The following ROBO2 variants were observed in gnomAD, a reference collection of about 807,000 sequenced individuals.
ROBO2 encodes roundabout guidance receptor 2, also known as roundabout homolog 2.
Under a neutral mutation model 160.8 loss-of-function variants are expected in ROBO2, and 53 were observed. That is an observed-to-expected ratio of 0.33 (90% CI 0.26 to 0.41). The LOEUF (loss-of-function observed/expected upper bound fraction) is 0.41, where lower values mean the gene tolerates loss of function less well. Ranked by LOEUF, ROBO2 falls within the 10% of genes least tolerant of loss-of-function variation. The pLI, the probability that ROBO2 is intolerant of heterozygous loss-of-function variation, is 1.00. For synonymous variants in ROBO2, 664 were observed against 611.7 expected (o/e 1.09, Z -1.26); for missense variants, 1,577 against 1,722.4 (o/e 0.92, Z 1.49).
At chr3:76,046,557 A>G (rs1274538875) in intron 2 of ROBO2, among the ~76,000 whole-genome samples, 1 of 151,316 alleles carries the variant, frequency 6.6e-6, no homozygotes, top group African/African-American at 2.5e-5. Context: ...CTGAGGCAGG[A>G]GAATGGCGTG....
intron 15 of ROBO2, among the ~76,000 whole-genome samples, chr3:77,579,148 A>ATT (rs2093846771): frequency 1.3e-5 from 2 of 152,134 alleles, no homozygotes; most frequent in Non-Finnish European, 2.9e-5. Flanking sequence ...GTATAATATG[A>ATT]ATACAAATGT....
intron 2 of ROBO2, among the ~76,000 whole-genome samples, chr3:76,350,370 A>C (rs775991535): frequency 9.9e-5 from 15 of 152,066 alleles, no homozygotes; most frequent in Non-Finnish European, 2.1e-4. Flanking sequence ...AGAGAATATC[A>C]CATTCTCCTT....
chr3:76,819,490 C>T (rs2065939861), intron 2 of ROBO2, among the ~76,000 whole-genome samples: 1 of 151,994 alleles, frequency 6.6e-6, no homozygotes, highest in Non-Finnish European at 1.5e-5. Context: ...GAATCGGAGG[C>T]TCTGGACACT....
intron 2 of ROBO2, among the ~76,000 whole-genome samples, chr3:76,483,274 ATGT>A (rs1225024238): frequency 6.6e-6 from 1 of 151,500 alleles, no homozygotes; most frequent in Non-Finnish European, 1.5e-5. Context: ...ATTCTATTAC[ATGT>A]TGTTTTCTGT....
At chr3:77,455,156 A>G (rs2081498318) in intron 2 of ROBO2, among the ~76,000 whole-genome samples, 2 of 152,230 alleles carry the variant, frequency 1.3e-5, no homozygotes, top group Non-Finnish European at 2.9e-5. Flanking sequence ...TTTACAATAA[A>G]TAGAATTACT....
At chr3:76,732,089 A>C (rs2107866731) in intron 2 of ROBO2, among the ~76,000 whole-genome samples, 1 of 152,322 alleles carries the variant, frequency 6.6e-6, no homozygotes, top group Admixed American at 6.5e-5. Context: ...TGCCATTAGT[A>C]GAAACTGGAA....
chr3:76,675,165 A>G (rs1041670151), intron 2 of ROBO2, among the ~76,000 whole-genome samples: 3 of 152,180 alleles, frequency 2.0e-5, no homozygotes, highest in Non-Finnish European at 4.4e-5. Flanking sequence ...TCTGACTAGA[A>G]AGTTCCAACA....
intron 2 of ROBO2, among the ~76,000 whole-genome samples, chr3:77,103,348 G>A (rs1363661915): frequency 1.3e-5 from 2 of 151,858 alleles, no homozygotes; most frequent in African/African-American, 4.8e-5. Context: ...ATGAGGTGCT[G>A]AACGCTTTAG....
At chr3:77,293,551 A>T (rs1267774101) in intron 2 of ROBO2, among the ~76,000 whole-genome samples, 14 of 147,660 alleles carry the variant, frequency 9.5e-5, no homozygotes, top group African/African-American at 3.4e-4. Context: ...AGAGCACTAA[A>T]GACATAAAGT....
intron 2 of ROBO2, among the ~76,000 whole-genome samples, chr3:76,366,352 C>A (rs537429850): frequency 2.5e-4 from 38 of 152,110 alleles, no homozygotes; most frequent in African/African-American, 8.9e-4. Flanking sequence ...TATATTTTCA[C>A]CATTAAAGGA....
At chr3:77,395,312 G>A (rs969359735) in intron 2 of ROBO2, among the ~76,000 whole-genome samples, 4 of 152,036 alleles carry the variant, frequency 2.6e-5, no homozygotes, top group Non-Finnish European at 4.4e-5. Context: ...TTACTTTTCC[G>A]CTTTCCCGGA....
At position 76,232,984 on chromosome 3, in the gene ROBO2, T is replaced by C. The variant is rs147604950; in HGVS notation, c.109+295382T>C. Among the ~76,000 whole-genome samples, 22 of 152,310 alleles carry C rather than the reference T, an allele frequency of 1.4e-4. No individual in the cohort carries two copies. In the East Asian group the frequency reaches 4.1e-3, roughly 28 times the overall value. ...CGTCACTCTCTTTCTAAAGAAGAAC[T>C]GTCCTCCAGTCTTTCTAAACCTTCT... is the stretch of plus-strand genomic sequence containing the variant. On this transcript the variant is annotated intron_variant, in intron 2 of 26. Transcript: ENST00000487694.
chr3:76,522,464 AT>A (rs1281478387), intron 2 of ROBO2, among the ~76,000 whole-genome samples: 1 of 152,202 alleles, frequency 6.6e-6, no homozygotes, highest in East Asian at 1.9e-4. Context: ...GTAAAAATTA[AT>A]TTGAAAAGTA....
At chr3:76,632,748 C>G (rs2090102214) in intron 2 of ROBO2, among the ~76,000 whole-genome samples, 1 of 152,126 alleles carries the variant, frequency 6.6e-6, no homozygotes, top group African/African-American at 2.4e-5. Context: ...GTAATATGTA[C>G]TAAAAAGTCA....
chr3:76,475,266 T>A (rs2107184385), intron 2 of ROBO2, among the ~76,000 whole-genome samples: 1 of 152,104 alleles, frequency 6.6e-6, no homozygotes, highest in Middle Eastern at 3.4e-3. Flanking sequence ...GAGAGAAAAG[T>A]AATGTCAAAG....
chr3:76,665,653 T>C (rs1191795660), intron 2 of ROBO2, among the ~76,000 whole-genome samples: 1 of 151,598 alleles, frequency 6.6e-6, no homozygotes, highest in African/African-American at 2.4e-5. Context: ...CAGCCTCTCC[T>C]AAGGAAGTTG....
intron 2 of ROBO2, among the ~76,000 whole-genome samples, chr3:77,386,643 C>T (rs542361397): frequency 1.6e-3 from 162 of 103,522 alleles, no homozygotes; most frequent in Non-Finnish European, 2.6e-3. Flanking sequence ...CGCTCCGTCA[C>T]CCAGGCTGAA....
At chr3:76,235,695 T>C (rs1392539726) in intron 2 of ROBO2, among the ~76,000 whole-genome samples, 2 of 152,210 alleles carry the variant, frequency 1.3e-5, no homozygotes, top group African/African-American at 4.8e-5. Context: ...TCATAACTTG[T>C]CACATTTGCT....
chr3:76,203,773 G>T (rs1702671478), intron 2 of ROBO2, among the ~76,000 whole-genome samples: 1 of 150,886 alleles, frequency 6.6e-6, no homozygotes, highest in Admixed American at 6.6e-5. Flanking sequence ...CAGGCTAGCG[G>T]CTTCCCGGTC....
Sources: gnomAD v4.1 joint callset for allele counts (sites outside exome capture counted in the v4.1 genomes callset) on GRCh38, gnomAD v4.1.1 for gene constraint, MANE v1.5 for transcripts, NCBI Gene and HGNC (gene_info 2026-07-23, HGNC 2026-07-21) for gene names.